KTN1: variants seen among roughly 807,000 people sequenced by gnomAD.
The protein encoded by KTN1 is kinectin.
KTN1 carries 130 observed loss-of-function variants against 222.5 expected under a neutral mutation model. The ratio of observed to expected loss-of-function variants is 0.58; its 90% confidence interval spans 0.51 to 0.68. The LOEUF (loss-of-function observed/expected upper bound fraction) is 0.68. Ranked by LOEUF, KTN1 falls within the 30% of genes least tolerant of loss-of-function variation. The pLI, the probability that KTN1 is intolerant of heterozygous loss-of-function variation, is 0.00. For synonymous variants in KTN1, 512 were observed against 496.3 expected (o/e 1.03, Z -0.42); for missense variants, 1,508 against 1,500.4 (o/e 1.01, Z -0.08).
Position 55,637,202 on chromosome 14 carries a change from A to G in KTN1, c.1554A>G (p.Leu518=). 1 of 1,598,550 alleles carries G rather than the reference A, an allele frequency of 6.3e-7. No individual in the cohort carries two copies. Among genetic ancestry groups the G allele is most frequent in the Non-Finnish European group, 8.5e-7 (1 of 1,171,412 alleles). ...AAATGTAATGTTTTATTACAGATTT[A>G]CAGAGTAAATTTGTGGCCAAAGAAA... is the stretch of plus-strand genomic sequence containing the variant. The part of the protein sequence containing the change: ...TAEHEAAQQD[L]QSKFVAKENE... Residue 518 remains leucine (L), a synonymous_variant, in exon 11 of 44, where the codon TTA becomes TTG. Coordinates refer to ENST00000395314, the MANE Select transcript of KTN1 (RefSeq NM_001079521.2).
rs2037718640 is a variant in KTN1, at chr14:55,612,426, A to G, written c.378A>G (p.Glu126=). ...AAAAGAAACAAAAGCCTGTGCTTGA[A>G]GAGCAGGTCATCAAAGAAAGTGACG... The part of the protein sequence containing the change: ...KKEKKQKPVL[E]EQVIKESDAS... The change falls in exon 2 of 44, where the codon GAA becomes GAG. Residue 126 remains glutamate, a synonymous_variant. Transcript: ENST00000395314. 2 of 1,614,080 alleles carry G rather than the reference A, an allele frequency of 1.2e-6. No individual in the cohort carries two copies. Among genetic ancestry groups the G allele is most frequent in the Non-Finnish European group, 1.7e-6 (2 of 1,180,028 alleles).
At chr14:55,646,460 T>TTTCCCTTTCCTTTCC (rs1595073348) in intron 18 of KTN1, among the ~76,000 whole-genome samples, 2 of 48,980 alleles carry the variant, frequency 4.1e-5, no homozygotes, top group African/African-American at 7.6e-5. Context: ...TTCCTTTTCC[T>TTTCCCTTTCCTTTCC]TTTCCTTTCC....
chr14:55,677,461 A>G (rs2045977225), intron 41 of KTN1, among the ~76,000 whole-genome samples: 1 of 149,802 alleles, frequency 6.7e-6, no homozygotes, highest in African/African-American at 2.5e-5. Flanking sequence ...TGGGTGACAG[A>G]GAAAGACTGT....
intron 41 of KTN1, among the ~76,000 whole-genome samples, 189 bp from the exon 42 acceptor site, chr14:55,678,163 G>A (rs1464948683): frequency 3.3e-5 from 5 of 152,106 alleles, no homozygotes; most frequent in African/African-American, 1.2e-4. Flanking sequence ...CATTACTTAA[G>A]CTTTTAAAAA....
Position 55,684,094 on chromosome 14 carries a change from T to G in KTN1, c.4070-5T>G. The G allele has an allele frequency of 6.2e-7, 1 of 1,602,708 alleles. No individual in the cohort carries two copies. On this transcript the variant is annotated splice_region_variant and splice_polypyrimidine_tract_variant and intron_variant, in intron 43 of 43. Transcript: ENST00000395314. ...GTGAAATTCATTCTTTCTGATCTTT[T>G]ACAGAGTGAAGTAATTGGGAAACTG...
At chr14:55,613,488 T>TATATAATTATATATATATA (rs2037897233) in intron 2 of KTN1, among the ~76,000 whole-genome samples, 1 of 148,048 alleles carries the variant, frequency 6.8e-6, no homozygotes, top group African/African-American at 2.5e-5. Flanking sequence ...GAGGTTATAT[T>TATATAATTATATATATATA]TGATTTTTTT....
At chr14:55,601,800 A>T (rs1221941934) in intron 1 of KTN1, 1 of 151,978 alleles carries the variant, frequency 6.6e-6, no homozygotes, top group Admixed American at 6.6e-5. Context: ...CAGTGGTGTG[A>T]CCTTGGCTTG....
intron 5 of KTN1, among the ~76,000 whole-genome samples, chr14:55,623,117 A>G (rs1016014157): frequency 1.3e-5 from 2 of 152,240 alleles, no homozygotes; most frequent in East Asian, 3.8e-4. Context: ...TTCACAGTCT[A>G]AATTGTTTGC....
chr14:55,628,059 C>A, intron 6 of KTN1, 31 bp downstream of exon 6: 1 of 1,267,946 alleles, frequency 7.9e-7, no homozygotes, highest in Non-Finnish European at 1.1e-6. Context: ...GAGGGATATA[C>A]TTCCCAAATC....
At chr14:55,585,321 TTACA>T (rs1246592045) in intron 1 of KTN1, among the ~76,000 whole-genome samples, 3 of 152,136 alleles carry the variant, frequency 2.0e-5, no homozygotes, top group Admixed American at 1.3e-4. Context: ...GGAGACCCTC[TTACA>T]TACTCCACAT....
Position 55,647,213 on chromosome 14 carries a change from G to C in KTN1, c.2207+206G>C, listed in dbSNP as rs553733781. On this transcript the variant is annotated intron_variant, in intron 19 of 43. Transcript: ENST00000395314. ...TAGCATATAAGAATGAATTACTTGA[G>C]TACATTTTACTTGTAAAGAGGAAGT... 2.0e-5 allele frequency among the ~76,000 whole-genome samples: 3 copies of C among 152,274 alleles called. No individual in the cohort carries two copies. In the East Asian group the frequency reaches 5.8e-4, roughly 29 times the overall value.
At position 55,637,826 on chromosome 14, in the gene KTN1, C is replaced by A. The variant is rs774091223; in HGVS notation, c.1764C>A (p.Phe588Leu). Reference sequence around the variant, plus strand: ...CTTTGAAAGCTCAAATTCAGCAGTTCCATTCCCAGATAGCAGCCCAGGTAA... The same window carrying A: ...CTTTGAAAGCTCAAATTCAGCAGTTACATTCCCAGATAGCAGCCCAGGTAA... ...NEALKAQIQQ[F>L]HSQIAAQTSA... Residue 588 changes from phenylalanine to leucine, a missense_variant, in exon 12 of 44, where the codon TTC becomes TTA. Phe to Leu is a conservative substitution (Grantham distance 22, BLOSUM62 0). Transcript: ENST00000395314. 2 of 1,611,046 alleles carry A rather than the reference C, an allele frequency of 1.2e-6. No homozygotes were observed. Among genetic ancestry groups the A allele is most frequent in the South Asian group, 2.2e-5 (2 of 90,702 alleles).
intron 6 of KTN1, among the ~76,000 whole-genome samples, chr14:55,628,803 T>A (rs2040157734): frequency 6.6e-6 from 1 of 152,232 alleles, no homozygotes; most frequent in South Asian, 2.1e-4. Context: ...TTTTTGTGAC[T>A]ATATGACTAT....
At chr14:55,599,932 G>T (rs2035711416) in intron 1 of KTN1, among the ~76,000 whole-genome samples, 1 of 151,992 alleles carries the variant, frequency 6.6e-6, no homozygotes, top group Non-Finnish European at 1.5e-5. Flanking sequence ...AAATGGCACT[G>T]TGATAATATA....
chr14:55,623,618 G>T (rs1594910345), intron 5 of KTN1, among the ~76,000 whole-genome samples: 1 of 152,212 alleles, frequency 6.6e-6, no homozygotes, highest in Non-Finnish European at 1.5e-5. Flanking sequence ...CAGTCGTCCT[G>T]CCTTGGCCTC....
chr14:55,605,386 T>C (rs2036577898), intron 1 of KTN1, among the ~76,000 whole-genome samples: 1 of 152,196 alleles, frequency 6.6e-6, no homozygotes, highest in Non-Finnish European at 1.5e-5. Flanking sequence ...CATGATGGCT[T>C]ATCACGTGTT....
intron 40 of KTN1, 78 bp from the exon 41 acceptor site, chr14:55,675,757 T>G: frequency 1.1e-6 from 1 of 912,708 alleles, no homozygotes; most frequent in Admixed American, 1.9e-5. Context: ...TCCCATTCAT[T>G]CTTCAGTCCT....
chr14:55,650,250 C>A, intron 22 of KTN1, 78 bp from the exon 23 acceptor site: 1 of 874,996 alleles, frequency 1.1e-6, no homozygotes, highest in Non-Finnish European at 1.8e-6. Flanking sequence ...AGAGCCATTT[C>A]ATTATTTGGT....
At chr14:55,587,167 G>A (rs2033189101) in intron 1 of KTN1, among the ~76,000 whole-genome samples, 3 of 152,118 alleles carry the variant, frequency 2.0e-5, no homozygotes, top group African/African-American at 2.4e-5. Flanking sequence ...TTGAATGAAT[G>A]GATGGTCTGA....
Sources: allele counts gnomAD v4.1 joint callset (sites outside exome capture counted in the v4.1 genomes callset), GRCh38; gene constraint gnomAD v4.1.1; transcripts MANE v1.5; gene names NCBI Gene and HGNC (gene_info 2026-07-23, HGNC 2026-07-21).